The following UBE2E2 variants were observed in gnomAD, a reference collection of about 807,000 sequenced individuals.
The protein encoded by UBE2E2 is ubiquitin-conjugating enzyme E2 E2.
Under a neutral mutation model 24.7 loss-of-function variants are expected in UBE2E2, and 6 were observed. The ratio of observed to expected loss-of-function variants is 0.24; its 90% CI spans 0.13 to 0.48. The LOEUF (loss-of-function observed/expected upper bound fraction) is 0.48. Ranked by LOEUF, UBE2E2 falls within the 20% of genes least tolerant of loss-of-function variation. The pLI, the probability that UBE2E2 is intolerant of heterozygous loss-of-function variation, is 0.99. For missense variants in UBE2E2, 169 were observed against 245.0 expected (o/e 0.69, Z 2.07); for synonymous variants, 104 against 83.6 (o/e 1.24, Z -1.33).
chr3:23,452,740 A>G (rs778526), intron 3 of UBE2E2, among the ~76,000 whole-genome samples: 101,001 of 152,064 alleles, frequency 0.66, 35,327 homozygotes, highest in African/African-American at 0.89. Context: ...ATTCTGTGAA[A>G]AGGAGGGTAT....
intron 3 of UBE2E2, among the ~76,000 whole-genome samples, chr3:23,486,881 C>A (rs1699385026): frequency 1.3e-5 from 2 of 152,234 alleles, no homozygotes; most frequent in Non-Finnish European, 2.9e-5. Context: ...AAGTTGCAGA[C>A]TCCACCTTGG....
chr3:23,416,165 T>A (rs150267276), intron 3 of UBE2E2, among the ~76,000 whole-genome samples: 1,760 of 152,344 alleles, frequency 0.012, 33 homozygotes, highest in East Asian at 0.076. Context: ...TTGGGTTAGT[T>A]CCAAGTCTTT....
chr3:23,256,476 A>T (rs917810078), intron 3 of UBE2E2, among the ~76,000 whole-genome samples: 1 of 82,990 alleles, frequency 1.2e-5, no homozygotes, highest in African/African-American at 3.5e-5. Flanking sequence ...TTTTGACAAA[A>T]AAAACTGTAG....
intron 3 of UBE2E2, among the ~76,000 whole-genome samples, chr3:23,479,358 G>A (rs936138870): frequency 2.0e-5 from 3 of 152,180 alleles, no homozygotes; most frequent in African/African-American, 7.2e-5. Flanking sequence ...TCTGCTACAG[G>A]CACCTGCATC....
intron 3 of UBE2E2, among the ~76,000 whole-genome samples, chr3:23,331,610 A>G (rs1028581937): frequency 2.0e-5 from 3 of 152,036 alleles, no homozygotes; most frequent in African/African-American, 7.2e-5. Context: ...AAGGTGTGCT[A>G]ATTTGTCTGG....
At chr3:23,484,533 C>T (rs1667621651) in intron 3 of UBE2E2, among the ~76,000 whole-genome samples, 1 of 152,090 alleles carries the variant, frequency 6.6e-6, no homozygotes, top group African/African-American at 2.4e-5. Context: ...GTTGCCCAGA[C>T]AGGAAGCCCT....
chr3:23,222,713 TAATATATA>T (rs1335086817), intron 3 of UBE2E2, among the ~76,000 whole-genome samples: 2 of 152,208 alleles, frequency 1.3e-5, no homozygotes, highest in African/African-American at 4.8e-5. Flanking sequence ...GAAAATGGAC[TAATATATA>T]AATATATATA....
chr3:23,238,936 A>G (rs987532022), intron 3 of UBE2E2, among the ~76,000 whole-genome samples: 16 of 152,134 alleles, frequency 1.1e-4, no homozygotes, highest in African/African-American at 3.9e-4. Context: ...GGAATGTTCA[A>G]CCTCTAGCCG....
chr3:23,374,621 G>C (rs575956387), intron 3 of UBE2E2, among the ~76,000 whole-genome samples: 1 of 151,964 alleles, frequency 6.6e-6, no homozygotes, highest in Non-Finnish European at 1.5e-5. Flanking sequence ...CTCCCCTTTC[G>C]GGATGAAACT....
At chr3:23,559,590 G>A (rs578114808) in intron 5 of UBE2E2, among the ~76,000 whole-genome samples, 14 of 152,280 alleles carry the variant, frequency 9.2e-5, no homozygotes, top group African/African-American at 2.9e-4. Flanking sequence ...CTGTCCTGCC[G>A]TGAGCAGCTT....
chr3:23,449,889 C>A, intron 3 of UBE2E2: 1 of 985,454 alleles, frequency 1.0e-6, no homozygotes, highest in Non-Finnish European at 1.2e-6. Context: ...GAAGGTCCCA[C>A]CAGTGCGGAG....
At chr3:23,565,003 A>G (rs1696032761) in intron 5 of UBE2E2, among the ~76,000 whole-genome samples, 1 of 152,080 alleles carries the variant, frequency 6.6e-6, no homozygotes, top group African/African-American at 2.4e-5. Flanking sequence ...ACAGTGGGAG[A>G]GTGGGTGGCG....
At position 23,203,334 on chromosome 3, in the gene UBE2E2, G is replaced by A; in HGVS notation, c.-139G>A. On this transcript the variant is annotated 5_prime_UTR_variant, in exon 1 of 6. Coordinates refer to ENST00000396703, the MANE Select transcript of UBE2E2 (RefSeq NM_152653.4). ...TGCGTGGTGCGTGGGTCCGGCTTTC[G>A]GTGACTAGACGGTCCGCAGGGGACA... 1 of 986,532 alleles carries A rather than the reference G, an allele frequency of 1.0e-6. No homozygotes were observed. The highest frequency in any genetic ancestry group is 1.2e-6 in the Non-Finnish European group (1 of 830,542). The allele number at this position is 986,532 out of a possible 1,614,324, so 61.1% of individuals were successfully genotyped here.
intron 3 of UBE2E2, among the ~76,000 whole-genome samples, chr3:23,455,846 G>C (rs1035183948): frequency 6.6e-6 from 1 of 152,212 alleles, no homozygotes; most frequent in Non-Finnish European, 1.5e-5. Flanking sequence ...TGGAGTAGCT[G>C]TGGTAATTTC....
intron 5 of UBE2E2, among the ~76,000 whole-genome samples, chr3:23,565,544 A>T (rs929256282): frequency 6.8e-6 from 1 of 147,198 alleles, no homozygotes; most frequent in Non-Finnish European, 1.5e-5. Flanking sequence ...AGGCCAGTGC[A>T]ACAGGGCTTG....
At chr3:23,582,894 T>TGTGTGG (rs1553622746) in intron 5 of UBE2E2, among the ~76,000 whole-genome samples, 8,147 of 112,904 alleles carry the variant, frequency 0.072, 352 homozygotes, top group Non-Finnish European at 0.098. Context: ...TGTGTGTGTG[T>TGTGTGG]TGTGTGTTTG....
intron 3 of UBE2E2, among the ~76,000 whole-genome samples, chr3:23,442,359 C>T (rs1011484471): frequency 7.2e-5 from 11 of 152,032 alleles, no homozygotes; most frequent in African/African-American, 1.9e-4. Context: ...CACCCAACCC[C>T]CCAAAAAGGA....
At chr3:23,250,887 G>A (rs565545667) in intron 3 of UBE2E2, among the ~76,000 whole-genome samples, 107 of 152,136 alleles carry the variant, frequency 7.0e-4, no homozygotes, top group African/African-American at 2.4e-3. Context: ...AGACAGAGTC[G>A]CACTCTGTCG....
chr3:23,344,111 AT>A (rs112269531), intron 3 of UBE2E2, among the ~76,000 whole-genome samples: 12 of 151,806 alleles, frequency 7.9e-5, no homozygotes, highest in Admixed American at 3.9e-4. Context: ...CTTTGATTTG[AT>A]TTTTTTTCAG....
Sources: allele counts gnomAD v4.1 joint callset (sites outside exome capture counted in the v4.1 genomes callset), GRCh38; gene constraint gnomAD v4.1.1; transcripts MANE v1.5; gene names NCBI Gene and HGNC (gene_info 2026-07-23, HGNC 2026-07-21).